The following RUNX1 variants were observed in gnomAD, a reference collection of about 807,000 sequenced individuals.
The protein encoded by RUNX1 is RUNX family transcription factor 1, also known as runt-related transcription factor 1.
RUNX1 carries 19 observed loss-of-function variants against 42.8 expected under a neutral mutation model. The observed-to-expected ratio is 0.44, with a 90% confidence interval of 0.31 to 0.65. The LOEUF is 0.65. Ranked by LOEUF, RUNX1 falls within the 30% of genes least tolerant of loss-of-function variation. RUNX1 has a pLI of 0.07. For missense variants in RUNX1, 528 were observed against 672.0 expected (o/e 0.79, Z 2.37); for synonymous variants, 271 against 289.4 (o/e 0.94, Z 0.64).
intron 7 of RUNX1, among the ~76,000 whole-genome samples, chr21:34,802,451 AATC>A (rs1209480868): frequency 6.6e-6 from 1 of 152,242 alleles, no homozygotes; most frequent in African/African-American, 2.4e-5. Context: ...CTGTGGCATT[AATC>A]ATCATACTGG....
chr21:34,922,730 C>G (rs920083220), intron 2 of RUNX1, among the ~76,000 whole-genome samples: 1 of 152,190 alleles, frequency 6.6e-6, no homozygotes, highest in African/African-American at 2.4e-5. Flanking sequence ...ATCTCTTCCT[C>G]ATTGTCCTTC....
intron 7 of RUNX1, among the ~76,000 whole-genome samples, chr21:34,812,515 C>T (rs1314513835): frequency 6.6e-6 from 1 of 152,188 alleles, no homozygotes; most frequent in Non-Finnish European, 1.5e-5. Flanking sequence ...CACTCGCTCA[C>T]CCCAAACTCT....
At position 34,930,289 on chromosome 21, in the gene RUNX1, T is replaced by TATATATATATATATATATATATATATAA. The variant is rs1555906453; in HGVS notation, c.59-37327_59-37326insTTATATATATATATATATATATATATAT. ...GTGTATGTATATATATATATATATA[T>TATATATATATATATATATATATATATAA]ATAAATAAATAAATAAAATTTTACA... is the stretch of plus-strand genomic sequence containing the variant. On this transcript the variant is annotated intron_variant, in intron 2 of 8. Coordinates refer to ENST00000675419, the MANE Select transcript of RUNX1 (RefSeq NM_001754.5). Among the ~76,000 whole-genome samples, 54 of 137,212 alleles carry TATATATATATATATATATATATATATAA rather than the reference T, an allele frequency of 3.9e-4. 1 individual carries two copies. The highest frequency in any genetic ancestry group is 1.5e-3 in the African/African-American group (49 of 31,880). 90.0% of individuals were successfully genotyped at this position (137,212 alleles called of 152,430 possible).
intron 8 of RUNX1, among the ~76,000 whole-genome samples, chr21:34,795,957 C>T (rs1429879867): frequency 6.6e-6 from 1 of 152,158 alleles, no homozygotes; most frequent in African/African-American, 2.4e-5. Flanking sequence ...TTCATTTGCC[C>T]TGAGACAAAA....
intron 6 of RUNX1, among the ~76,000 whole-genome samples, chr21:34,836,997 G>T (rs2057156620): frequency 2.0e-5 from 3 of 152,098 alleles, no homozygotes; most frequent in African/African-American, 7.2e-5. Context: ...TTGTTTGTTT[G>T]TTTCTTTGTT....
intron 2 of RUNX1, among the ~76,000 whole-genome samples, chr21:34,972,546 A>C (rs1199360143): frequency 6.6e-6 from 1 of 152,216 alleles, no homozygotes; most frequent in African/African-American, 2.4e-5. Context: ...TTGTCAAATG[A>C]ATCATATGTT....
intron 2 of RUNX1, among the ~76,000 whole-genome samples, chr21:34,923,764 A>G (rs1461525566): frequency 8.8e-6 from 1 of 114,218 alleles, no homozygotes; most frequent in Admixed American, 8.6e-5. Context: ...CCACCTCCCC[A>G]TCCTCTGGTT....
chr21:34,898,287 C>T (rs769040219), intron 2 of RUNX1, among the ~76,000 whole-genome samples: 6 of 152,122 alleles, frequency 3.9e-5, no homozygotes, highest in Admixed American at 2.6e-4. Context: ...ACCAGATTTC[C>T]GACCTGCAGA....
intron 5 of RUNX1, among the ~76,000 whole-genome samples, chr21:34,876,204 C>T (rs2057811217): frequency 6.6e-6 from 1 of 152,136 alleles, no homozygotes; most frequent in Admixed American, 6.6e-5. Flanking sequence ...AGGCCCCCTC[C>T]CCTTTACCCG....
intron 7 of RUNX1, among the ~76,000 whole-genome samples, chr21:34,832,081 C>T (rs1048405387): frequency 0.012 from 3 of 256 alleles, no homozygotes; most frequent in Non-Finnish European, 0.016. Flanking sequence ...CAACCAAGCC[C>T]GTAGGAACTC....
chr21:34,822,941 GTTC>G (rs2056929663), intron 7 of RUNX1, among the ~76,000 whole-genome samples: 1 of 152,074 alleles, frequency 6.6e-6, no homozygotes, highest in African/African-American at 2.4e-5. Context: ...ATCTTGAGAT[GTTC>G]TTTAAAAAAA....
intron 6 of RUNX1, among the ~76,000 whole-genome samples, chr21:34,853,509 C>A (rs2057453954): frequency 6.6e-6 from 1 of 152,096 alleles, no homozygotes; most frequent in Admixed American, 6.6e-5. Context: ...CATCTGGACG[C>A]CTTAGTTTAC....
chr21:34,983,126 C>A (rs753860816), intron 2 of RUNX1, among the ~76,000 whole-genome samples: 1 of 152,104 alleles, frequency 6.6e-6, no homozygotes. Flanking sequence ...AACCAGCAAG[C>A]GCATGAGGTA....
At chr21:34,945,487 T>A (rs1460075615) in intron 2 of RUNX1, among the ~76,000 whole-genome samples, 1 of 152,130 alleles carries the variant, frequency 6.6e-6, no homozygotes, top group Non-Finnish European at 1.5e-5. Context: ...CTCACTATCT[T>A]CCACTCCTCA....
chr21:35,016,905 A>G (rs2059162922), intron 2 of RUNX1, among the ~76,000 whole-genome samples: 1 of 139,654 alleles, frequency 7.2e-6, no homozygotes, highest in South Asian at 2.3e-4. Context: ...GTGTGTGTGT[A>G]GCTGATACAG....
chr21:34,966,278 A>C (rs1244037010), intron 2 of RUNX1, among the ~76,000 whole-genome samples: 1 of 152,252 alleles, frequency 6.6e-6, no homozygotes, highest in Non-Finnish European at 1.5e-5. Context: ...AATAATTAAA[A>C]TAATAATAAA....
At chr21:34,952,870 A>G (rs540231489) in intron 2 of RUNX1, among the ~76,000 whole-genome samples, 1 of 152,304 alleles carries the variant, frequency 6.6e-6, no homozygotes, top group African/African-American at 2.4e-5. Context: ...TTATCTTCAG[A>G]TGAAGTCTCA....
At chr21:34,957,889 T>C (rs1379349671) in intron 2 of RUNX1, among the ~76,000 whole-genome samples, 1 of 152,082 alleles carries the variant, frequency 6.6e-6, no homozygotes, top group Non-Finnish European at 1.5e-5. Context: ...ATCTGAGGGG[T>C]ATGGGGCAGG....
intron 2 of RUNX1, among the ~76,000 whole-genome samples, chr21:34,987,195 ACAGT>A (rs1453442952): frequency 5.9e-5 from 9 of 152,256 alleles, no homozygotes; most frequent in African/African-American, 2.2e-4. Context: ...TCCAGGTCAG[ACAGT>A]CAGGCTTTGT....
Sources: allele counts gnomAD v4.1 joint callset (sites outside exome capture counted in the v4.1 genomes callset), GRCh38; gene constraint gnomAD v4.1.1; transcripts MANE v1.5; gene names NCBI Gene and HGNC (gene_info 2026-07-23, HGNC 2026-07-21).